CHN1: variants seen among roughly 807,000 people sequenced by gnomAD.
CHN1 encodes chimerin 1.
CHN1 carries 37 observed loss-of-function variants against 59.5 expected under a neutral mutation model. The ratio of observed to expected loss-of-function variants is 0.62; its 90% CI spans 0.48 to 0.82. The LOEUF (loss-of-function observed/expected upper bound fraction) is 0.82, where lower values mean the gene tolerates loss of function less well. Ranked by LOEUF, CHN1 falls within the 40% of genes least tolerant of loss-of-function variation. The pLI is 0.00. For synonymous variants in CHN1, 206 were observed against 200.4 expected (o/e 1.03, Z -0.24); for missense variants, 469 against 571.0 (o/e 0.82, Z 1.82).
Position 174,823,454 on chromosome 2 carries a change from G to T in CHN1, c.712+980C>A, listed in dbSNP as rs1481791890. Among the ~76,000 whole-genome samples the T allele has an allele frequency of 2.6e-5, 4 of 152,264 alleles. No individual in the cohort carries two copies. The East Asian group carries it at 7.7e-4, about 29-fold the overall frequency. ...TGAGGCGGGTGGATCACGAGGTCAGGAGATCGAGACCATCCTGGCTAACAT... is the reference window on the plus strand; with the variant it reads ...TGAGGCGGGTGGATCACGAGGTCAGTAGATCGAGACCATCCTGGCTAACAT... On this transcript the variant is annotated intron_variant, in intron 8 of 12. Transcript: ENST00000409900.
chr2:174,892,484 G>A (rs1688083024), intron 5 of CHN1, among the ~76,000 whole-genome samples: 1 of 152,200 alleles, frequency 6.6e-6, no homozygotes, highest in Non-Finnish European at 1.5e-5. Context: ...TAACACCGTG[G>A]TCTTGGATTT....
At chr2:174,984,283 G>C (rs1691263842) in intron 1 of CHN1, among the ~76,000 whole-genome samples, 1 of 149,416 alleles carries the variant, frequency 6.7e-6, no homozygotes, top group African/African-American at 2.5e-5. Context: ...TGTTTCTCAA[G>C]AAGTTCCTTA....
chr2:174,801,911 G>C, intron 11 of CHN1, 99 bp from the exon 12 acceptor site: 1 of 905,418 alleles, frequency 1.1e-6, no homozygotes, highest in South Asian at 1.3e-5. Flanking sequence ...TCTGAAACTG[G>C]TAAGAAATGC....
intron 5 of CHN1, among the ~76,000 whole-genome samples, chr2:174,882,325 T>C (rs1270420863): frequency 1.3e-5 from 2 of 152,208 alleles, no homozygotes; most frequent in Non-Finnish European, 2.9e-5. Context: ...AGCTGTTTAA[T>C]GCTGTGCCCA....
intron 3 of CHN1, among the ~76,000 whole-genome samples, chr2:174,936,255 TA>T (rs1164001542): frequency 1.3e-5 from 2 of 152,044 alleles, no homozygotes; most frequent in African/African-American, 2.4e-5. Flanking sequence ...TTTATATGTT[TA>T]AAAAAAATCA....
intron 3 of CHN1, among the ~76,000 whole-genome samples, chr2:174,931,968 G>A (rs965554900): frequency 1.3e-5 from 2 of 152,124 alleles, no homozygotes; most frequent in African/African-American, 4.8e-5. Context: ...AGTTAGAGAG[G>A]ACCTTATAAG....
intron 11 of CHN1, among the ~76,000 whole-genome samples, chr2:174,807,508 GTGTGTT>G: frequency 7.5e-6 from 1 of 133,640 alleles, no homozygotes; most frequent in South Asian, 2.4e-4. Context: ...GTGTGTGTGT[GTGTGTT>G]GCTTTCTAGA....
intron 5 of CHN1, among the ~76,000 whole-genome samples, chr2:174,903,961 T>C (rs961341327): frequency 3.3e-5 from 5 of 152,156 alleles, no homozygotes; most frequent in Non-Finnish European, 7.3e-5. Flanking sequence ...AAAATGGCAT[T>C]GATTTAAAAA....
chr2:174,886,926 T>C (rs1033426584), intron 5 of CHN1, among the ~76,000 whole-genome samples: 14 of 152,240 alleles, frequency 9.2e-5, no homozygotes. Flanking sequence ...TATATTATTA[T>C]CATGGTCAAG....
chr2:174,936,439 A>C (rs1039418238), intron 3 of CHN1, among the ~76,000 whole-genome samples: 1 of 152,214 alleles, frequency 6.6e-6, no homozygotes. Flanking sequence ...CTATGTAATA[A>C]ATAGATATAG....
chr2:174,989,649 G>T (rs1691472399), intron 1 of CHN1, among the ~76,000 whole-genome samples: 1 of 152,000 alleles, frequency 6.6e-6, no homozygotes, highest in African/African-American at 2.4e-5. Context: ...AATTAGCTGG[G>T]CATGGTGGCT....
intron 7 of CHN1, among the ~76,000 whole-genome samples, chr2:174,832,201 TG>T (rs1685903443): frequency 6.6e-6 from 1 of 152,146 alleles, no homozygotes; most frequent in Non-Finnish European, 1.5e-5. Flanking sequence ...GAAAAAGATC[TG>T]ACTAAAATGC....
Position 174,802,419 on chromosome 2 carries a change from G to A in CHN1, c.1103-607C>T, listed in dbSNP as rs138117089. Among the ~76,000 whole-genome samples, 4 of 152,208 alleles carry A rather than the reference G, an allele frequency of 2.6e-5. No individual in the cohort carries two copies. The East Asian group carries it at 7.7e-4, about 29-fold the overall frequency. On this transcript the variant is annotated intron_variant, in intron 11 of 12. Transcript: ENST00000409900. ...AAAAAATCAAATCTACCTTCAAAAT[G>A]CACACATTTTCTATGACTCAGACAT...
rs113754695 is a variant in CHN1, at chr2:174,870,952, G to A, written c.549+6888C>T. Reference sequence around the variant, plus strand: ...TGTTGGCCTGGTTCTTTGGAACTGGGGAACTGATGTTTATCTTCCATCTTC... The same window carrying A: ...TGTTGGCCTGGTTCTTTGGAACTGGAGAACTGATGTTTATCTTCCATCTTC... On this transcript the variant is annotated intron_variant, in intron 6 of 12. Transcript: ENST00000409900. 4.0e-3 allele frequency among the ~76,000 whole-genome samples: 609 copies of A among 152,168 alleles called. 1 individual carries two copies. Among genetic ancestry groups the A allele is most frequent in the Non-Finnish European group, 7.6e-3 (516 of 68,000 alleles).
At chr2:174,837,778 T>C (rs1270834672) in intron 7 of CHN1, among the ~76,000 whole-genome samples, 2 of 152,218 alleles carry the variant, frequency 1.3e-5, no homozygotes, top group Non-Finnish European at 2.9e-5. Flanking sequence ...TTTTGTGTAG[T>C]AAAAATATTT....
At chr2:174,807,197 T>C (rs1684911451) in intron 11 of CHN1, among the ~76,000 whole-genome samples, 1 of 152,126 alleles carries the variant, frequency 6.6e-6, no homozygotes, top group African/African-American at 2.4e-5. Context: ...TCATTTGGAA[T>C]TGTGGGGACA....
chr2:175,000,545 G>A (rs1691858778), intron 1 of CHN1, among the ~76,000 whole-genome samples: 1 of 151,988 alleles, frequency 6.6e-6, no homozygotes, highest in Non-Finnish European at 1.5e-5. Flanking sequence ...CTGGGTTCAT[G>A]GGATTCTCCT....
At chr2:174,884,018 G>A (rs1386197215) in intron 5 of CHN1, among the ~76,000 whole-genome samples, 5 of 149,420 alleles carry the variant, frequency 3.3e-5, no homozygotes, top group African/African-American at 1.2e-4. Flanking sequence ...CCCAGGCTGG[G>A]GTGCAGTGGT....
At chr2:174,961,583 C>T (rs55999750) in intron 1 of CHN1, among the ~76,000 whole-genome samples, 1 of 151,102 alleles carries the variant, frequency 6.6e-6, no homozygotes, top group Non-Finnish European at 1.5e-5. Context: ...AAGAGTGAAA[C>T]TCCGTCTCAA....
Sources: allele counts gnomAD v4.1 joint callset (sites outside exome capture counted in the v4.1 genomes callset), GRCh38; gene constraint gnomAD v4.1.1; transcripts MANE v1.5; gene names NCBI Gene and HGNC (gene_info 2026-07-23, HGNC 2026-07-21).